Variants in DNAAF4 observed in about 807,000 individuals in gnomAD.
DNAAF4 encodes the protein dynein axonemal assembly factor 4.
Under a neutral mutation model 51.8 loss-of-function variants are expected in DNAAF4, and 43 were observed. That is an observed-to-expected ratio of 0.83 (90% CI 0.65 to 1.07). DNAAF4 has a LOEUF of 1.07. Among genes scored for constraint, DNAAF4 ranks in the 50% least tolerant of loss-of-function variants. The pLI is 0.00. For synonymous variants in DNAAF4, 194 were observed against 165.6 expected (o/e 1.17, Z -1.32); for missense variants, 581 against 493.0 (o/e 1.18, Z -1.69).
chr15:55,496,853 T>C (rs1285861755), intron 3 of DNAAF4, among the ~76,000 whole-genome samples: 2 of 151,996 alleles, frequency 1.3e-5, no homozygotes, highest in Admixed American at 6.6e-5. Flanking sequence ...AAGCAGCAAA[T>C]GCAGGGAGAG....
rs541308695 is a variant in DNAAF4, at chr15:55,473,048, C to A, written c.406-5887G>T. On this transcript the variant is annotated intron_variant, in intron 4 of 9. Transcript: ENST00000321149. ...AGGTGTGGTAGCGCACACCTGTAAT[C>A]CCAGCTATTCGGGAGGCTGAGGCAT... 1.3e-4 allele frequency among the ~76,000 whole-genome samples: 20 copies of A among 151,464 alleles called. No homozygotes were observed. In the South Asian group the frequency reaches 4.2e-3, roughly 32 times the overall value.
chr15:55,473,605 C>A (rs1333280721), intron 4 of DNAAF4, among the ~76,000 whole-genome samples: 1 of 151,588 alleles, frequency 6.6e-6, no homozygotes, highest in Non-Finnish European at 1.5e-5. Flanking sequence ...TCAGTGTATG[C>A]CAAAATGTCA....
At chr15:55,454,461 T>C (rs1391999281) in intron 5 of DNAAF4, among the ~76,000 whole-genome samples, 1 of 151,938 alleles carries the variant, frequency 6.6e-6, no homozygotes, top group African/African-American at 2.4e-5. Context: ...CACTGCAGCC[T>C]CTGCCTCCCG....
intron 7 of DNAAF4, among the ~76,000 whole-genome samples, chr15:55,423,616 G>A (rs2057405823): frequency 6.6e-6 from 1 of 152,138 alleles, no homozygotes; most frequent in Non-Finnish European, 1.5e-5. Context: ...AAATATAGCT[G>A]AAGATAACTA....
chr15:55,477,086 C>G (rs1204131130), intron 4 of DNAAF4, among the ~76,000 whole-genome samples: 1 of 151,900 alleles, frequency 6.6e-6, no homozygotes, highest in Non-Finnish European at 1.5e-5. Context: ...GCAGGAGAAT[C>G]ACTTGAACCC....
chr15:55,420,311 G>C (rs2057377809), intron 7 of DNAAF4, among the ~76,000 whole-genome samples: 2 of 151,360 alleles, frequency 1.3e-5, no homozygotes, highest in South Asian at 4.2e-4. Context: ...CAGGTGACAG[G>C]CTACACAATT....
chr15:55,454,587 AG>A (rs2141472436), intron 5 of DNAAF4, among the ~76,000 whole-genome samples: 1 of 152,142 alleles, frequency 6.6e-6, no homozygotes, highest in South Asian at 2.1e-4. Context: ...CATGTTAGCC[AG>A]GCAAGTCTCG....
intron 4 of DNAAF4, among the ~76,000 whole-genome samples, chr15:55,471,664 C>A (rs1484464993): frequency 3.3e-5 from 5 of 151,744 alleles, no homozygotes; most frequent in Admixed American, 1.3e-4. Context: ...CAGGCACCCA[C>A]TACCACGCCC....
chr15:55,474,318 G>C (rs1567024011), intron 4 of DNAAF4, among the ~76,000 whole-genome samples: 1 of 152,112 alleles, frequency 6.6e-6, no homozygotes, highest in East Asian at 1.9e-4. Context: ...GGCAGATCAT[G>C]AGGTAAGGAG....
At chr15:55,430,170 GAAC>G (rs2057472663), downstream of DNAAF4, 2 of 164,902 alleles carry the variant, frequency 1.2e-5, no homozygotes, top group South Asian at 2.0e-4. Flanking sequence ...GTCTAATCTT[GAAC>G]AACAAGCATT....
chr15:55,436,897 C>G (rs954403324), intron 7 of DNAAF4, among the ~76,000 whole-genome samples: 2 of 151,734 alleles, frequency 1.3e-5, no homozygotes, highest in Non-Finnish European at 1.5e-5. Context: ...CTCGATTCAC[C>G]GCAACCTCCA....
intron 4 of DNAAF4, among the ~76,000 whole-genome samples, chr15:55,487,578 C>T (rs1036469623): frequency 4.6e-5 from 7 of 152,096 alleles, no homozygotes; most frequent in African/African-American, 1.7e-4. Flanking sequence ...CGGGTCCGCG[C>T]CACCTTTAAG....
Position 55,439,392 on chromosome 15 carries a change from G to A in DNAAF4, c.893+80C>T, listed in dbSNP as rs575984629. 4.8e-6 allele frequency: 6 copies of A among 1,237,242 alleles called. No homozygotes were observed. The East Asian group carries it at 7.2e-5, about 15-fold the overall frequency. The allele number at this position is 1,237,242 out of a possible 1,614,324, so 76.6% of individuals were successfully genotyped here. On this transcript the variant is annotated intron_variant, in intron 7 of 9. Transcript: ENST00000321149. The stretch of plus-strand genomic sequence containing the variant: ...CCCAAAGGGCTGGGATTACAGGCAT[G>A]AGCCACCATACTCGTCCTATGATAA...
intron 4 of DNAAF4, among the ~76,000 whole-genome samples, chr15:55,480,832 G>A (rs140808352): frequency 8.5e-5 from 13 of 152,136 alleles, no homozygotes; most frequent in African/African-American, 3.1e-4. Flanking sequence ...AAACAGAAGA[G>A]GACTGATAAG....
intron 9 of DNAAF4, among the ~76,000 whole-genome samples, chr15:55,431,985 C>T (rs188390118): frequency 6.0e-5 from 9 of 149,222 alleles, no homozygotes; most frequent in South Asian, 4.2e-4. Context: ...GAAGGAGTTT[C>T]GCTGTTGTTG....
At chr15:55,436,211 G>GT (rs1017933554) in intron 7 of DNAAF4, among the ~76,000 whole-genome samples, 200 of 151,792 alleles carry the variant, frequency 1.3e-3, no homozygotes, top group South Asian at 2.1e-3. Flanking sequence ...GTTATTTTCT[G>GT]TTTTTTTTCT....
chr15:55,484,875 T>C (rs981204378), intron 4 of DNAAF4, among the ~76,000 whole-genome samples: 1 of 152,210 alleles, frequency 6.6e-6, no homozygotes, highest in Non-Finnish European at 1.5e-5. Context: ...CTTTATATAC[T>C]AGCCATGCTG....
At chr15:55,444,570 C>G (rs960007889) in intron 6 of DNAAF4, among the ~76,000 whole-genome samples, 1 of 152,048 alleles carries the variant, frequency 6.6e-6, no homozygotes, top group Non-Finnish European at 1.5e-5. Context: ...GTTTGTTTTC[C>G]AATTCTTTGG....
At chr15:55,462,789 CAT>C (rs1212631966) in intron 5 of DNAAF4, among the ~76,000 whole-genome samples, 3 of 152,124 alleles carry the variant, frequency 2.0e-5, no homozygotes, top group Non-Finnish European at 4.4e-5. Context: ...GCTGGTTTAA[CAT>C]ACACACACAA....
Sources: gnomAD v4.1 joint callset for allele counts (sites outside exome capture counted in the v4.1 genomes callset) on GRCh38, gnomAD v4.1.1 for gene constraint, MANE v1.5 for transcripts, NCBI Gene and HGNC (gene_info 2026-07-23, HGNC 2026-07-21) for gene names.